The following MAD1L1 variants were observed in gnomAD, a reference collection of about 807,000 sequenced individuals.
MAD1L1 encodes the protein mitotic spindle assembly checkpoint protein MAD1.
Under a neutral mutation model 96.9 loss-of-function variants are expected in MAD1L1, and 95 were observed. That is an observed-to-expected ratio of 0.98 (90% CI 0.83 to 1.16). The LOEUF (loss-of-function observed/expected upper bound fraction) is 1.16. Ranked by LOEUF, MAD1L1 falls within the 50% of genes most tolerant of loss-of-function variation. MAD1L1 has a pLI of 0.00. For missense variants in MAD1L1, 1,007 were observed against 954.4 expected (o/e 1.06, Z -0.73); for synonymous variants, 473 against 396.6 (o/e 1.19, Z -2.29).
At chr7:2,136,079 C>A (rs1272911025) in intron 11 of MAD1L1, among the ~76,000 whole-genome samples, 1 of 152,116 alleles carries the variant, frequency 6.6e-6, no homozygotes, top group African/African-American at 2.4e-5. Flanking sequence ...GAGACAGAAA[C>A]AGGAAGCCGC....
intron 17 of MAD1L1, among the ~76,000 whole-genome samples, chr7:1,900,411 C>A (rs557705607): frequency 1.8e-4 from 28 of 152,210 alleles, no homozygotes; most frequent in Non-Finnish European, 3.1e-4. Flanking sequence ...GGCACTGATT[C>A]AGCCCTCGCC....
chr7:2,130,899 T>C (rs1788480247), intron 11 of MAD1L1, among the ~76,000 whole-genome samples: 1 of 152,242 alleles, frequency 6.6e-6, no homozygotes, highest in South Asian at 2.1e-4. Context: ...GAATCCGATC[T>C]TTCTAATGAT....
intron 13 of MAD1L1, among the ~76,000 whole-genome samples, chr7:2,012,555 C>T (rs541278371): frequency 6.6e-6 from 1 of 152,150 alleles, no homozygotes; most frequent in Non-Finnish European, 1.5e-5. Context: ...CCTGCACGCA[C>T]GGGATGGCTA....
At chr7:2,024,324 C>A (rs775471446) in intron 12 of MAD1L1, among the ~76,000 whole-genome samples, 1 of 152,190 alleles carries the variant, frequency 6.6e-6, no homozygotes, top group African/African-American at 2.4e-5. Context: ...TCACATGAAT[C>A]GGTCTTTCTA....
At chr7:1,862,235 C>A (rs1371819609) in intron 18 of MAD1L1, among the ~76,000 whole-genome samples, 1 of 152,212 alleles carries the variant, frequency 6.6e-6, no homozygotes, top group Non-Finnish European at 1.5e-5. Flanking sequence ...CCGAGCAGCA[C>A]CCCGGGCCTC....
intron 11 of MAD1L1, chr7:2,107,553 T>C (rs1392783870): frequency 6.6e-6 from 1 of 152,492 alleles, no homozygotes; most frequent in African/African-American, 2.4e-5. Flanking sequence ...CATGCTGTGA[T>C]CCCCGCACTG....
At chr7:2,054,312 C>A (rs1196618104) in intron 12 of MAD1L1, among the ~76,000 whole-genome samples, 1 of 152,246 alleles carries the variant, frequency 6.6e-6, no homozygotes, top group Non-Finnish European at 1.5e-5. Context: ...GGCGGTCGGG[C>A]GCACGTGGAG....
intron 15 of MAD1L1, among the ~76,000 whole-genome samples, chr7:1,963,815 G>A (rs759429894): frequency 5.3e-5 from 8 of 152,192 alleles, no homozygotes; most frequent in Non-Finnish European, 1.2e-4. Flanking sequence ...ACAATGCTTC[G>A]CTCCTCTTGA....
In MAD1L1 at chr7:2,210,236, C is replaced by T. The variant is rs555177330; in HGVS notation, c.986+2976G>A. Among the ~76,000 whole-genome samples the T allele has an allele frequency of 6.6e-5, 10 of 152,272 alleles. No homozygotes were observed. The South Asian group carries it at 2.1e-3, about 32-fold the overall frequency. ...TACAGGTGCACACCACTGAGCACCG[C>T]TAATTTTTGTTTTGGTACACACGGG... On this transcript the variant is annotated intron_variant, in intron 10 of 18. Coordinates refer to ENST00000265854, the MANE Select transcript of MAD1L1 (RefSeq NM_001013836.2).
intron 5 of MAD1L1, among the ~76,000 whole-genome samples, chr7:2,219,825 G>A (rs1353854777): frequency 3.9e-5 from 6 of 152,148 alleles, no homozygotes; most frequent in Admixed American, 3.9e-4. Flanking sequence ...CCTGCCACAA[G>A]CCACCCAGGA....
At chr7:2,193,936 A>ATTTTTTTTTTT (rs35067993) in intron 10 of MAD1L1, among the ~76,000 whole-genome samples, 5 of 82,802 alleles carry the variant, frequency 6.0e-5, no homozygotes, top group Admixed American at 1.7e-4. Flanking sequence ...CTCTGCATGG[A>ATTTTTTTTTTT]TTTTTTTTTT....
At chr7:2,096,724 C>A (rs1245879415) in intron 11 of MAD1L1, among the ~76,000 whole-genome samples, 1 of 152,190 alleles carries the variant, frequency 6.6e-6, no homozygotes, top group African/African-American at 2.4e-5. Flanking sequence ...CTCGTCAACT[C>A]AGGCCCCTTC....
At chr7:1,981,789 A>C (rs756716384) in intron 14 of MAD1L1, among the ~76,000 whole-genome samples, 12 of 152,178 alleles carry the variant, frequency 7.9e-5, no homozygotes, top group Non-Finnish European at 1.8e-4. Flanking sequence ...CCTGGGAAAA[A>C]AGGCACTGGG....
At chr7:2,152,877 T>C (rs1298376482) in intron 10 of MAD1L1, among the ~76,000 whole-genome samples, 1 of 152,134 alleles carries the variant, frequency 6.6e-6, no homozygotes, top group Non-Finnish European at 1.5e-5. Flanking sequence ...GGAGAGGACA[T>C]GCACCGTGGA....
intron 10 of MAD1L1, chr7:2,200,468 C>G (rs1321498689): frequency 2.6e-5 from 4 of 152,310 alleles, no homozygotes; most frequent in African/African-American, 9.7e-5. Context: ...CCAGGGTCCA[C>G]ACACAGCTGC....
At chr7:1,929,553 C>T (rs1171929946) in intron 17 of MAD1L1, among the ~76,000 whole-genome samples, 2 of 152,118 alleles carry the variant, frequency 1.3e-5, no homozygotes, top group Non-Finnish European at 2.9e-5. Context: ...CCTGCCTGAA[C>T]TTCCGAGCAG....
At chr7:1,885,996 G>A (rs1785996303) in intron 18 of MAD1L1, among the ~76,000 whole-genome samples, 3 of 152,224 alleles carry the variant, frequency 2.0e-5, no homozygotes, top group Admixed American at 2.0e-4. Context: ...CCTCCACCAG[G>A]TCCTACTGCC....
chr7:2,011,920 G>T (rs182147807), intron 13 of MAD1L1, among the ~76,000 whole-genome samples: 30 of 152,290 alleles, frequency 2.0e-4, no homozygotes, highest in South Asian at 4.1e-4. Flanking sequence ...GGCTGTGAGG[G>T]CTCAGGGAGG....
At chr7:2,115,852 C>A (rs1162684749) in intron 11 of MAD1L1, among the ~76,000 whole-genome samples, 1 of 152,228 alleles carries the variant, frequency 6.6e-6, no homozygotes, top group Non-Finnish European at 1.5e-5. Context: ...GCGGGCCCTG[C>A]GGGAAGAAGC....
Sources: gnomAD v4.1 joint callset for allele counts (sites outside exome capture counted in the v4.1 genomes callset) on GRCh38, gnomAD v4.1.1 for gene constraint, MANE v1.5 for transcripts, NCBI Gene and HGNC (gene_info 2026-07-23, HGNC 2026-07-21) for gene names.